Variants in RBM10 observed in about 807,000 individuals in gnomAD.
The protein encoded by RBM10 is RNA-binding protein 10.
Under a neutral mutation model 84.9 loss-of-function variants are expected in RBM10, and 1 was observed. That is an observed-to-expected ratio of 0.01 (90% CI 0.00 to 0.06). RBM10 has a LOEUF of 0.06. Among genes scored for constraint, RBM10 ranks in the 10% least tolerant of loss-of-function variants. The probability of loss-of-function intolerance (pLI) is 1.00; values close to 1 mark genes in which losing one functional copy is unlikely to be tolerated. For synonymous variants in RBM10, 326 were observed against 344.5 expected (o/e 0.95, Z 0.60); for missense variants, 438 against 839.0 (o/e 0.52, Z 5.90).
rs1375958919 is a variant in RBM10, at chrX:47,180,099, G to A, written c.1062+59G>A. 5 of 1,197,431 alleles carry A rather than the reference G, an allele frequency of 4.2e-6. No homozygotes were observed. In the African/African-American group the frequency reaches 7.0e-5, roughly 17 times the overall value. On this transcript the variant is annotated intron_variant, in intron 10 of 23. Transcript: ENST00000377604. The stretch of plus-strand genomic sequence containing the variant: ...GGGTCCCGGCCCCCGGGGTGGAGAC[G>A]AGGGTCCTTTTCCCCAGCCTCCCAC...
rs2147197616 is a variant in RBM10 at position 47,182,150 on chromosome X, C to T, written c.1786-12C>T. ...CTTCCCTCACATCCCCTCTTCCCTC[C>T]TCCTCCCTCAGTATTACTACAATGC... On this transcript the variant is annotated splice_polypyrimidine_tract_variant and intron_variant, in intron 16 of 23. Transcript: ENST00000377604. 8.3e-7 allele frequency: 1 copy of T among 1,211,902 alleles called. No homozygotes were observed. The highest frequency in any genetic ancestry group is 1.8e-5 in the South Asian group (1 of 56,963).
Position 47,186,119 on chromosome X carries a change from G to A in RBM10, c.2485G>A (p.Glu829Lys), listed in dbSNP as rs2147223252. ...ACGCAGAGAAAAGTATGGCATCCCC[G>A]AGCCGCCAGAGCCCAAGAGGAGGAA... Reference protein sequence around the residue: ...AERREKYGIPEPPEPKRRKYG... With the variant: ...AERREKYGIPKPPEPKRRKYG... The change falls in exon 22 of 24, where the codon GAG becomes AAG. Residue 829 changes from glutamate to lysine, a missense_variant. By Grantham distance (56) the Glu-to-Lys change is moderately conservative (BLOSUM62 1). Transcript: ENST00000377604. 3 of 1,212,467 alleles carry A rather than the reference G, an allele frequency of 2.5e-6. No homozygotes were observed. The highest frequency in any genetic ancestry group is 3.3e-6 in the Non-Finnish European group (3 of 895,668).
At chrX:47,179,677 C>T (rs1277588772) in intron 9 of RBM10, 182 bp downstream of exon 9, 7 of 753,225 alleles carry the variant, frequency 9.3e-6, no homozygotes, top group East Asian at 3.5e-5. Flanking sequence ...GGGGGTGTGT[C>T]GGGAAGGTTC....
chrX:47,174,609 G>A (rs1161426782), intron 5 of RBM10, among the ~76,000 whole-genome samples: 2 of 111,385 alleles, frequency 1.8e-5, no homozygotes, highest in African/African-American at 6.5e-5. Flanking sequence ...TGTGGCTTGT[G>A]TGGAGCCAGC....
At chrX:47,158,055 C>T (rs1014855796) in intron 2 of RBM10, 5 of 179,314 alleles carry the variant, frequency 2.8e-5, no homozygotes, top group Admixed American at 7.3e-5. Context: ...GGATTACAGG[C>T]GTGAGCCACC....
chrX:47,186,205 C>T (rs2147224469), intron 22 of RBM10, 34 bp downstream of exon 22: 1 of 1,210,487 alleles, frequency 8.3e-7, no homozygotes, highest in Non-Finnish European at 1.1e-6. Flanking sequence ...GGGTCTGGAG[C>T]CCGGGGCCGG....
intron 5 of RBM10, among the ~76,000 whole-genome samples, chrX:47,173,935 T>TTCTC (rs1934902226): frequency 1.5e-4 from 4 of 27,135 alleles, no homozygotes; most frequent in African/African-American, 6.2e-4. Flanking sequence ...CTCTCTCTCT[T>TTCTC]TCTCCCTCTC....
chrX:47,179,132 G>A lies in RBM10; in HGVS notation c.693G>A (p.Glu231=), dbSNP rs928984950. ...KCGVQNFKRR[E]KCFKCGVPKS... ...GCGTCCAGAACTTCAAACGCCGAGAGAAGTGCTTCAAATGTGGCGTGCCCA... is the reference window on the plus strand; with the variant it reads ...GCGTCCAGAACTTCAAACGCCGAGAAAAGTGCTTCAAATGTGGCGTGCCCA... Residue 231 remains glutamate (E), a synonymous_variant, in exon 8 of 24, where the codon GAG becomes GAA. Transcript: ENST00000377604. 1 of 1,210,110 alleles carries A rather than the reference G, an allele frequency of 8.3e-7. No homozygotes were observed. Among genetic ancestry groups the A allele is most frequent in the Non-Finnish European group, 1.1e-6 (1 of 894,550 alleles).
intron 1 of RBM10, among the ~76,000 whole-genome samples, chrX:47,145,728 G>A (rs1354631494): frequency 1.9e-5 from 2 of 103,177 alleles, no homozygotes; most frequent in Non-Finnish European, 3.9e-5. Flanking sequence ...GGGGAAGGGA[G>A]GGACGGATGG....
intron 2 of RBM10, among the ~76,000 whole-genome samples, chrX:47,150,583 A>G (rs2147076431): frequency 8.9e-6 from 1 of 112,049 alleles, no homozygotes; most frequent in Non-Finnish European, 1.9e-5. Flanking sequence ...CAGTTTTTCC[A>G]GTACCACCTC....
chrX:47,179,263 G>A (rs1482859441), intron 8 of RBM10, 56 bp from the exon 9 acceptor site: 50 of 1,182,912 alleles, frequency 4.2e-5, no homozygotes, highest in Non-Finnish European at 5.3e-5. Flanking sequence ...GGAGGAGGGT[G>A]ACCAGTCGTG....
At position 47,181,734 on chromosome X, in the gene RBM10, TG is replaced by T; in HGVS notation, c.1576-13del. The T allele has an allele frequency of 8.3e-7, 1 of 1,210,771 alleles. No homozygotes were observed. Among genetic ancestry groups the T allele is most frequent in the Non-Finnish European group, 1.1e-6 (1 of 895,351 alleles). ...AGACACTGAGCCCTGTTCTCCTGTC[TG>T]GCCCCATGACCAGTCGTATACCATC... On this transcript the variant is annotated splice_polypyrimidine_tract_variant and intron_variant, in intron 14 of 23. Transcript: ENST00000377604.
At position 47,186,496 on chromosome X, in the gene RBM10, C is replaced by T; in HGVS notation, c.2690C>T (p.Ser897Phe). Residue 897 changes from serine (S) to phenylalanine (F), a missense_variant, in exon 24 of 24, where the codon TCC becomes TTC. By Grantham distance (155) the Ser-to-Phe change is radical. Coordinates refer to ENST00000377604, the MANE Select transcript of RBM10 (RefSeq NM_005676.5). Reference sequence around the variant, plus strand: ...CAGGCCCAAACACGGGTGCGGGGCTCCGGCCTGGGTGCACGGGGCAGCTCC... The same window carrying T: ...CAGGCCCAAACACGGGTGCGGGGCTTCGGCCTGGGTGCACGGGGCAGCTCC... ...PIEAQTRVRG[S>F]GLGARGSSYG... 4 of 1,208,957 alleles carry T rather than the reference C, an allele frequency of 3.3e-6. No individual in the cohort carries two copies. The highest frequency in any genetic ancestry group is 4.5e-6 in the Non-Finnish European group (4 of 893,873).
intron 2 of RBM10, among the ~76,000 whole-genome samples, chrX:47,151,485 C>A (rs1377571616): frequency 9.0e-6 from 1 of 111,720 alleles, no homozygotes; most frequent in Admixed American, 9.6e-5. Context: ...TCTATCCTGT[C>A]ACTTATTTAT....
chrX:47,153,045 C>T (rs1932858413), intron 2 of RBM10, among the ~76,000 whole-genome samples: 1 of 110,688 alleles, frequency 9.0e-6, no homozygotes, highest in South Asian at 3.8e-4. Flanking sequence ...AGGATTTTTC[C>T]ATGTTGATCA....
chrX:47,180,363 C>A (rs2147178782), intron 11 of RBM10, 54 bp downstream of exon 11: 1 of 1,035,133 alleles, frequency 9.7e-7, no homozygotes, highest in Non-Finnish European at 1.3e-6. Flanking sequence ...CCCTCCCACT[C>A]CCCCCTACCG....
Position 47,185,311 on chromosome X carries a change from G to A in RBM10, c.2110G>A (p.Ala704Thr), listed in dbSNP as rs1556781621. ...YAILEKKGAL[A>T]ERQHTSMDLP... ...TGTCCCTCCACCCCAGGGAGCACTA[G>A]CCGAGAGACAGCACACCAGCATGGA... Residue 704 changes from alanine (A) to threonine (T), a missense_variant, in exon 19 of 24, where the codon GCC becomes ACC. Ala to Thr is a moderately conservative substitution (Grantham distance 58). Transcript: ENST00000377604. The A allele has an allele frequency of 8.3e-6, 10 of 1,210,930 alleles. No individual in the cohort carries two copies. The Admixed American group carries it at 2.2e-4, about 26-fold the overall frequency.
In RBM10 at chrX:47,186,732, A is replaced by C; in HGVS notation, c.*133A>C. On this transcript the variant is annotated 3_prime_UTR_variant, in exon 24 of 24. Transcript: ENST00000377604. ...TCCCCAGCCAGAGAGGGCTTGACCAAATCAAATTGAGGTGGTGACTTTTGT... is the reference window on the plus strand; with the variant it reads ...TCCCCAGCCAGAGAGGGCTTGACCACATCAAATTGAGGTGGTGACTTTTGT... 1 of 847,810 alleles carries C rather than the reference A, an allele frequency of 1.2e-6. No homozygotes were observed. Among genetic ancestry groups the C allele is most frequent in the Non-Finnish European group, 1.7e-6 (1 of 580,382 alleles). The allele number at this position is 847,810 out of a possible 1,213,427, so 69.9% of individuals were successfully genotyped here.
In RBM10 at chrX:47,179,366, C is replaced by T. The variant is rs1556777805; in HGVS notation, c.772C>T (p.Leu258=). 2.5e-6 allele frequency: 3 copies of T among 1,201,738 alleles called. No individual in the cohort carries two copies. Among genetic ancestry groups the T allele is most frequent in the Admixed American group, 4.4e-5 (2 of 45,303 alleles). Residue 258 remains leucine (L), a synonymous_variant, in exon 9 of 24, where the codon CTG becomes TTG. Transcript: ENST00000377604. ...CGGCACGAGGCTGGATCAGCAGACA[C>T]TGCCACTGGGTGGCCGGGAGCTGAG... ...PLGTRLDQQT[L]PLGGRELSQG... is the part of the protein sequence containing the mutation.
Sources: gnomAD v4.1 joint callset for allele counts (sites outside exome capture counted in the v4.1 genomes callset) on GRCh38, gnomAD v4.1.1 for gene constraint, MANE v1.5 for transcripts, NCBI Gene and HGNC (gene_info 2026-07-23, HGNC 2026-07-21) for gene names.